Variants in IPO9 observed in about 807,000 individuals in gnomAD.
IPO9 encodes the protein importin-9.
In IPO9, 28 loss-of-function variants were observed where a neutral mutation model predicts 128.6. That is an observed-to-expected ratio of 0.22 (90% CI 0.16 to 0.30). The LOEUF is 0.30. IPO9 is among the 10% of genes least tolerant of loss of function. The pLI, the probability that IPO9 is intolerant of heterozygous loss-of-function variation, is 1.00. For missense variants in IPO9, 935 were observed against 1,293.9 expected (o/e 0.72, Z 4.26); for synonymous variants, 455 against 475.8 (o/e 0.96, Z 0.57).
chr1:201,863,857 C>T (rs1277904462), intron 14 of IPO9, among the ~76,000 whole-genome samples: 4 of 152,170 alleles, frequency 2.6e-5, no homozygotes, highest in Admixed American at 6.5e-5. Flanking sequence ...CTAGGCAACT[C>T]CCTTTCTCTC....
intron 11 of IPO9, 135 bp from the exon 12 acceptor site, chr1:201,858,312 A>T (rs929806840): frequency 8.4e-6 from 4 of 477,566 alleles, no homozygotes; most frequent in African/African-American, 2.0e-5. Flanking sequence ...TAACATTTTT[A>T]ATACAATTAG....
At chr1:201,843,827 C>CAAA (rs35870198) in intron 1 of IPO9, among the ~76,000 whole-genome samples, 25 of 95,984 alleles carry the variant, frequency 2.6e-4, no homozygotes, top group African/African-American at 6.7e-4. Flanking sequence ...GATTCTGTCT[C>CAAA]AAAAAAAAAA....
chr1:201,873,344 C>CTGAGGCAGGAGAATCGCT (rs1178230503), intron 20 of IPO9, among the ~76,000 whole-genome samples: 2 of 148,958 alleles, frequency 1.3e-5, no homozygotes, highest in African/African-American at 5.0e-5. Context: ...ACTTGGGAGG[C>CTGAGGCAGGAGAATCGCT]TGAGGCAGGA....
In IPO9 at chr1:201,857,137, T is replaced by C. The variant is rs1451009414; in HGVS notation, c.1164T>C (p.Asp388=). 2.5e-6 allele frequency: 4 copies of C among 1,613,480 alleles called. No homozygotes were observed. The highest frequency in any genetic ancestry group is 1.7e-5 in the Admixed American group (1 of 60,024). ...CCAACCCCCAACAATTTGTAGAAGA[T>C]GAAGATGATGATACATTCTCCTATA... ...WTANPQQFVE[D]EDDDTFSYTV... is the part of the protein sequence containing the mutation. Residue 388 remains aspartate, a synonymous_variant, in exon 11 of 24, where the codon GAT becomes GAC. Coordinates refer to ENST00000361565, the MANE Select transcript of IPO9 (RefSeq NM_018085.5).
chr1:201,829,428 A>G, intron 1 of IPO9, 56 bp downstream of exon 1: 1 of 1,465,158 alleles, frequency 6.8e-7, no homozygotes, highest in Non-Finnish European at 9.1e-7. Context: ...CGCTGACCGC[A>G]GCTCCGTACC....
chr1:201,847,755 T>C, intron 3 of IPO9, 117 bp downstream of exon 3: 3 of 747,956 alleles, frequency 4.0e-6, no homozygotes, highest in Non-Finnish European at 4.6e-6. Context: ...GAAAAGGAGA[T>C]TGGTGGCTGG....
At chr1:201,854,152 T>C (rs554190112) in intron 6 of IPO9, among the ~76,000 whole-genome samples, 2 of 152,306 alleles carry the variant, frequency 1.3e-5, no homozygotes, top group Admixed American at 1.3e-4. Flanking sequence ...GGATTATAGG[T>C]GTGAGCCACC....
At chr1:201,873,351 A>G (rs1397988118) in intron 20 of IPO9, among the ~76,000 whole-genome samples, 1 of 149,590 alleles carries the variant, frequency 6.7e-6, no homozygotes, top group Non-Finnish European at 1.5e-5. Flanking sequence ...AGGCTGAGGC[A>G]GGAGAATCGC....
At chr1:201,843,788 A>G (rs1485780887) in intron 1 of IPO9, among the ~76,000 whole-genome samples, 1 of 150,690 alleles carries the variant, frequency 6.6e-6, no homozygotes, top group Non-Finnish European at 1.5e-5. Flanking sequence ...AGATAGCGCC[A>G]CTGCACTCTA....
In IPO9 at chr1:201,870,768, G is replaced by C. The variant is rs1289538215; in HGVS notation, c.2319G>C (p.Lys773Asn). The C allele has an allele frequency of 1.2e-6, 2 of 1,614,184 alleles. No homozygotes were observed. Among genetic ancestry groups the C allele is most frequent in the Non-Finnish European group, 1.7e-6 (2 of 1,180,030 alleles). ...VGRLVSTLISKAGRELGENLD... is the reference protein window; with the variant it reads ...VGRLVSTLISNAGRELGENLD... ...GCCTTGTTTCCACCCTCATCTCCAA[G>C]GCAGGGCGGGAACTCGGGGAGAATC... Residue 773 changes from lysine (K) to asparagine (N), a missense_variant, in exon 18 of 24, where the codon AAG becomes AAC. Lys to Asn is a moderately conservative substitution (Grantham distance 94). This residue lies in a region of IPO9 where 741 missense variants were observed against 1,019.1 expected (regional missense o/e 0.73). Transcript: ENST00000361565. The surrounding 1 kb of genome is among the most constrained non-coding windows in gnomAD (Gnocchi z 4.9).
chr1:201,854,657 C>G lies in IPO9; in HGVS notation c.753C>G (p.Ala251=). ...AGTTCACAGAGGCCTTTGTTCAGGCCCTCCAGATACCAGATGGCCCCACAT... is the reference window on the plus strand; with the variant it reads ...AGTTCACAGAGGCCTTTGTTCAGGCGCTCCAGATACCAGATGGCCCCACAT... The part of the protein sequence containing the change: ...VQQFTEAFVQ[A]LQIPDGPTSD... The change falls in exon 7 of 24, where the codon GCC becomes GCG. Residue 251 remains alanine (A), a synonymous_variant. Transcript: ENST00000361565. 1 of 1,614,104 alleles carries G rather than the reference C, an allele frequency of 6.2e-7. No homozygotes were observed. Among genetic ancestry groups the G allele is most frequent in the East Asian group, 2.2e-5 (1 of 44,886 alleles).
At chr1:201,875,720 A>G (rs893484883) in intron 23 of IPO9, among the ~76,000 whole-genome samples, 1 of 152,100 alleles carries the variant, frequency 6.6e-6, no homozygotes. Context: ...TTCATCTTCT[A>G]GAGGCTATGT....
Position 201,877,985 on chromosome 1 carries a change from C to T in IPO9, c.*1931C>T, listed in dbSNP as rs534113300. ...TCTGAATCTCCACTCAAGGGGATGGCCCCAAGGATATTGTAGCTGGTAATT... is the reference window on the plus strand; with the variant it reads ...TCTGAATCTCCACTCAAGGGGATGGTCCCAAGGATATTGTAGCTGGTAATT... On this transcript the variant is annotated 3_prime_UTR_variant, in exon 24 of 24. Coordinates refer to ENST00000361565, the MANE Select transcript of IPO9 (RefSeq NM_018085.5). The T allele has an allele frequency of 3.3e-5, 5 of 152,090 alleles. No homozygotes were observed. The East Asian group carries it at 7.7e-4, about 24-fold the overall frequency. 9.4% of individuals were successfully genotyped at this position (152,090 alleles called of 1,614,324 possible).
chr1:201,847,219 T>A (rs1255448499), intron 1 of IPO9, 60 bp from the exon 2 acceptor site: 4 of 1,223,010 alleles, frequency 3.3e-6, no homozygotes, highest in Non-Finnish European at 4.8e-6. Flanking sequence ...GGGTTAGAGC[T>A]TAGTAAATTT....
rs751500908 is a variant in IPO9 at position 201,871,257 on chromosome 1, C to T, written c.2506C>T (p.Leu836=). The part of the protein sequence containing the change: ...SLPGPTGKPA[L]EFVMAEWTSR... ...CCCAGGACCTACTGGCAAACCTGCT[C>T]TAGAGTTTGTGATGGCTGAGTGGAC... is the stretch of plus-strand genomic sequence containing the variant. Residue 836 remains leucine, a synonymous_variant, in exon 19 of 24, where the codon CTA becomes TTA. Coordinates refer to ENST00000361565, the MANE Select transcript of IPO9 (RefSeq NM_018085.5). 5 of 1,613,418 alleles carry T rather than the reference C, an allele frequency of 3.1e-6. No homozygotes were observed. The highest frequency in any genetic ancestry group is 1.3e-5 in the African/African-American group (1 of 74,826).
intron 1 of IPO9, among the ~76,000 whole-genome samples, chr1:201,829,976 T>C (rs1679802015): frequency 2.6e-5 from 4 of 152,266 alleles, no homozygotes; most frequent in Admixed American, 2.0e-4. Context: ...AAAAATAATT[T>C]GCCCTTATTA....
chr1:201,855,830 G>C lies in IPO9; in HGVS notation c.1018G>C (p.Val340Leu). The C allele has an allele frequency of 1.2e-6, 2 of 1,611,512 alleles. No individual in the cohort carries two copies. Among genetic ancestry groups the C allele is most frequent in the Non-Finnish European group, 1.7e-6 (2 of 1,179,488 alleles). Reference protein sequence around the residue: ...ENLVFSIFEFVHALLENSKFK... With the variant: ...ENLVFSIFEFLHALLENSKFK... The stretch of plus-strand genomic sequence containing the variant: ...TCTCGTCTTTAGCATTTTTGAATTT[G>C]TCCATGCTCTACTAGAAAATAGCAA... Residue 340 changes from valine (V) to leucine (L), a missense_variant, in exon 10 of 24, where the codon GTC becomes CTC. By Grantham distance (32) the Val-to-Leu change is conservative (BLOSUM62 1). Around this residue, in one of 3 missense-constraint regions of IPO9, gnomAD observed 741 missense variants for 1,019.1 expected, o/e 0.73. Coordinates refer to ENST00000361565, the MANE Select transcript of IPO9 (RefSeq NM_018085.5).
At chr1:201,840,698 G>A (rs1000340985) in intron 1 of IPO9, among the ~76,000 whole-genome samples, 3 of 152,194 alleles carry the variant, frequency 2.0e-5, no homozygotes, top group South Asian at 4.1e-4. Flanking sequence ...TTATGCAGCT[G>A]TAGAGAAGAA....
In IPO9 at chr1:201,829,389, C is replaced by A; in HGVS notation, c.163+17C>A. ...TGACGGAGGGTGAGTGAGGCGGGAC[C>A]GTCACGAGGATGGCTCAGCCGCACA... is the stretch of plus-strand genomic sequence containing the variant. On this transcript the variant is annotated intron_variant, in intron 1 of 23. Transcript: ENST00000361565. 3.2e-6 allele frequency: 5 copies of A among 1,545,348 alleles called. No homozygotes were observed. The highest frequency in any genetic ancestry group is 4.4e-6 in the Non-Finnish European group (5 of 1,146,042).
Sources: allele counts gnomAD v4.1 joint callset (sites outside exome capture counted in the v4.1 genomes callset), GRCh38; gene constraint gnomAD v4.1.1; regional missense constraint gnomAD v4.1.1; non-coding constraint Gnocchi (gnomAD v3.1); transcripts MANE v1.5; gene names NCBI Gene and HGNC (gene_info 2026-07-23, HGNC 2026-07-21).